DAB1: variants seen among roughly 807,000 people sequenced by gnomAD.
The protein encoded by DAB1 is disabled homolog 1.
In DAB1, 15 loss-of-function variants were observed where a neutral mutation model predicts 64.6. The observed-to-expected ratio is 0.23, with a 90% CI of 0.16 to 0.36. The LOEUF (loss-of-function observed/expected upper bound fraction) is 0.36. Ranked by LOEUF, DAB1 falls within the 10% of genes least tolerant of loss-of-function variation. The pLI is 1.00. For missense variants in DAB1, 596 were observed against 706.7 expected (o/e 0.84, Z 1.78); for synonymous variants, 235 against 251.9 (o/e 0.93, Z 0.64).
chr1:58,406,401 G>A (rs1644615832), intron 3 of DAB1, among the ~76,000 whole-genome samples: 2 of 152,238 alleles, frequency 1.3e-5, no homozygotes, highest in African/African-American at 4.8e-5. Flanking sequence ...TTTGTAACAG[G>A]GCAGAAATCC....
At chr1:58,085,406 C>G (rs1273554690) in intron 5 of DAB1, among the ~76,000 whole-genome samples, 10 of 152,142 alleles carry the variant, frequency 6.6e-5, no homozygotes, top group Admixed American at 1.3e-4. Flanking sequence ...CTTCCTCTGT[C>G]ACTCAGGCTG....
intron 1 of DAB1, among the ~76,000 whole-genome samples, chr1:57,827,559 AAC>A (rs1292426498): frequency 1.3e-5 from 2 of 152,188 alleles, no homozygotes; most frequent in Admixed American, 6.5e-5. Context: ...GTGAAGATTT[AAC>A]ACAGTGCCAG....
chr1:57,554,103 T>C (rs191324220), intron 7 of DAB1, among the ~76,000 whole-genome samples: 2 of 151,970 alleles, frequency 1.3e-5, no homozygotes, highest in East Asian at 1.9e-4. Flanking sequence ...AGCGAGGAGA[T>C]ATTTGATAAG....
intron 7 of DAB1, among the ~76,000 whole-genome samples, chr1:57,485,608 C>T (rs1163662064): frequency 6.6e-6 from 1 of 152,168 alleles, no homozygotes; most frequent in Non-Finnish European, 1.5e-5. Flanking sequence ...GAATTCAGAT[C>T]TTTGCTCCTC....
intron 5 of DAB1, among the ~76,000 whole-genome samples, chr1:58,123,163 G>A (rs964584225): frequency 6.6e-6 from 1 of 152,180 alleles, no homozygotes; most frequent in Admixed American, 6.5e-5. Context: ...GCAAGTAATC[G>A]CCATGACAGC....
At chr1:58,536,385 G>GA (rs967466528) in intron 1 of DAB1, 455 of 599,238 alleles carry the variant, frequency 7.6e-4, no homozygotes, top group South Asian at 8.8e-4. Flanking sequence ...AGGCCTTCGG[G>GA]AAAAAAAAAT....
chr1:58,308,567 C>A (rs1317069848), intron 4 of DAB1, among the ~76,000 whole-genome samples: 1 of 152,050 alleles, frequency 6.6e-6, no homozygotes, highest in Non-Finnish European at 1.5e-5. Context: ...ATGTGAGTCT[C>A]AAGCAGAAAG....
intron 5 of DAB1, among the ~76,000 whole-genome samples, chr1:57,895,567 A>G (rs918333200): frequency 6.6e-6 from 1 of 152,212 alleles, no homozygotes; most frequent in Non-Finnish European, 1.5e-5. Flanking sequence ...CAGGAAGCAT[A>G]CAGTGTAGCA....
chr1:58,396,503 C>T (rs550737471), intron 3 of DAB1, among the ~76,000 whole-genome samples: 56 of 151,598 alleles, frequency 3.7e-4, no homozygotes, highest in African/African-American at 1.3e-3. Context: ...AGAGGTGTGG[C>T]GGTGGGGGCG....
At chr1:57,786,208 T>G (rs1428287828) in intron 6 of DAB1, among the ~76,000 whole-genome samples, 1 of 152,202 alleles carries the variant, frequency 6.6e-6, no homozygotes, top group South Asian at 2.1e-4. Flanking sequence ...CAGTATAGTA[T>G]AAAGATAACA....
chr1:57,385,888 C>A (rs571688862), intron 1 of DAB1, among the ~76,000 whole-genome samples: 36 of 152,252 alleles, frequency 2.4e-4, no homozygotes, highest in South Asian at 8.3e-4. Context: ...ATTGATCACT[C>A]CCCTTGGAAG....
chr1:57,391,733 C>CATTCTTCTGGTCTTTTTAAAGGCAG (rs1396543862), intron 1 of DAB1, among the ~76,000 whole-genome samples: 1 of 149,936 alleles, frequency 6.7e-6, no homozygotes, highest in East Asian at 2.0e-4. Context: ...TCCATCTGTG[C>CATTCTTCTGGTCTTTTTAAAGGCAG]ATTCTTCTGG....
At chr1:57,021,219 A>G (rs1256923032) in intron 11 of DAB1, among the ~76,000 whole-genome samples, 1 of 152,220 alleles carries the variant, frequency 6.6e-6, no homozygotes, top group African/African-American at 2.4e-5. Context: ...AGCTAAAGAA[A>G]GGAAATCTGG....
chr1:57,125,494 T>G (rs972681499), intron 4 of DAB1, among the ~76,000 whole-genome samples: 1 of 151,986 alleles, frequency 6.6e-6, no homozygotes, highest in Admixed American at 6.6e-5. Context: ...TCATATAATC[T>G]CTCTGAAAAA....
intron 2 of DAB1, among the ~76,000 whole-genome samples, chr1:57,222,059 T>G (rs1037059449): frequency 3.3e-5 from 5 of 152,294 alleles, no homozygotes; most frequent in African/African-American, 1.2e-4. Context: ...ATTTTCTCAT[T>G]AGATCTTTGC....
intron 1 of DAB1, among the ~76,000 whole-genome samples, chr1:57,870,704 G>A (rs1411389972): frequency 6.6e-6 from 1 of 152,128 alleles, no homozygotes; most frequent in Non-Finnish European, 1.5e-5. Flanking sequence ...CACATACTCA[G>A]TAAATGTGCT....
At chr1:57,448,557 C>T (rs567264279) in intron 7 of DAB1, among the ~76,000 whole-genome samples, 12 of 152,204 alleles carry the variant, frequency 7.9e-5, no homozygotes, top group African/African-American at 2.6e-4. Context: ...AGATTTGTCA[C>T]CTTTGATGGA....
chr1:58,069,097 C>A (rs769839335), intron 5 of DAB1, among the ~76,000 whole-genome samples: 27 of 152,190 alleles, frequency 1.8e-4, no homozygotes, highest in African/African-American at 1.4e-4. Flanking sequence ...GAGTAATATG[C>A]TCTTATGTGC....
intron 4 of DAB1, among the ~76,000 whole-genome samples, chr1:58,246,361 A>C (rs895738241): frequency 1.3e-5 from 2 of 152,162 alleles, no homozygotes; most frequent in African/African-American, 4.8e-5. Flanking sequence ...GCACTTCAAG[A>C]GGGGCGTTTA....
Sources: allele counts gnomAD v4.1 joint callset (sites outside exome capture counted in the v4.1 genomes callset), GRCh38; gene constraint gnomAD v4.1.1; transcripts MANE v1.5; gene names NCBI Gene and HGNC (gene_info 2026-07-23, HGNC 2026-07-21).